Variants in MYO5A observed in about 807,000 individuals in gnomAD.
MYO5A encodes unconventional myosin-Va.
A neutral mutation model predicts 249.7 loss-of-function variants in MYO5A; 98 were observed. That is an observed-to-expected ratio of 0.39 (90% CI 0.33 to 0.46). The LOEUF is 0.46. MYO5A is among the 20% of genes least tolerant of loss of function. The pLI, the probability that MYO5A is intolerant of heterozygous loss-of-function variation, is 0.98. For synonymous variants in MYO5A, 778 were observed against 810.6 expected (o/e 0.96, Z 0.68); for missense variants, 1,696 against 2,308.8 (o/e 0.73, Z 5.44).
Position 52,364,535 on chromosome 15 carries a change from A to G in MYO5A, c.3309+19T>C, listed in dbSNP as rs2040714644. ...TTTAAAATTTTTCATTAAAAAAAAA[A>G]CAAAAGTGTTTGACTCACCACCATA... is the stretch of plus-strand genomic sequence containing the variant. On this transcript the variant is annotated intron_variant, in intron 24 of 41. Transcript: ENST00000399233. The G allele has an allele frequency of 1.3e-6, 2 of 1,596,480 alleles. No individual in the cohort carries two copies. Among genetic ancestry groups the G allele is most frequent in the Non-Finnish European group, 1.7e-6 (2 of 1,175,796 alleles).
intron 1 of MYO5A, chr15:52,505,967 A>C (rs1229104061): frequency 9.8e-7 from 1 of 1,024,170 alleles, no homozygotes; most frequent in African/African-American, 1.6e-5. Flanking sequence ...TAATCCCATC[A>C]CTTTGGGAGG....
At chr15:52,341,920 G>A (rs995655550) in intron 31 of MYO5A, among the ~76,000 whole-genome samples, 6 of 152,122 alleles carry the variant, frequency 3.9e-5, no homozygotes, top group African/African-American at 7.2e-5. Flanking sequence ...CATATTTAAC[G>A]GGTTGAATTT....
At chr15:52,403,513 A>T (rs1008142196) in intron 9 of MYO5A, among the ~76,000 whole-genome samples, 4 of 152,240 alleles carry the variant, frequency 2.6e-5, no homozygotes, top group Non-Finnish European at 4.4e-5. Flanking sequence ...CTATAGAGGC[A>T]GAAAACAGAT....
chr15:52,454,952 T>C (rs2076089874), intron 1 of MYO5A, among the ~76,000 whole-genome samples: 2 of 150,758 alleles, frequency 1.3e-5, no homozygotes, highest in Non-Finnish European at 3.0e-5. Flanking sequence ...CCAAAATTGG[T>C]AGAGGAAAAG....
intron 1 of MYO5A, among the ~76,000 whole-genome samples, chr15:52,464,862 T>C (rs1229312435): frequency 2.0e-5 from 3 of 152,244 alleles, no homozygotes; most frequent in African/African-American, 7.2e-5. Flanking sequence ...CTCCTGCTTA[T>C]GATTAGTCGT....
At chr15:52,356,834 AT>A (rs2141036579) in intron 25 of MYO5A, among the ~76,000 whole-genome samples, 1 of 113,730 alleles carries the variant, frequency 8.8e-6, no homozygotes, top group South Asian at 2.7e-4. Flanking sequence ...CAGGAATTGT[AT>A]ATTAATTAGC....
chr15:52,399,847 T>TCCC (rs2042668905), intron 9 of MYO5A, among the ~76,000 whole-genome samples: 1 of 152,160 alleles, frequency 6.6e-6, no homozygotes, highest in South Asian at 2.1e-4. Flanking sequence ...TGTCTATTGT[T>TCCC]CCCATTTATG....
intron 2 of MYO5A, among the ~76,000 whole-genome samples, chr15:52,432,770 C>T (rs950737410): frequency 6.6e-6 from 1 of 152,138 alleles, no homozygotes; most frequent in African/African-American, 2.4e-5. Context: ...GCCTTCCTCC[C>T]AACTAGTATC....
At position 52,454,175 on chromosome 15, in the gene MYO5A, TTGCA is replaced by T. The variant is rs375199320; in HGVS notation, c.28-20894_28-20891del. On this transcript the variant is annotated intron_variant, in intron 1 of 41. Transcript: ENST00000399233. ...GAAAGTGAAGGGATGGAAAGAGATA[TTGCA>T]TGCATGTGGAAACCAAAAAAGAGTA... Among the ~76,000 whole-genome samples, 234 of 152,158 alleles carry T rather than the reference TTGCA, an allele frequency of 1.5e-3. 2 individuals carry two copies. In the Middle Eastern group the frequency reaches 0.017, roughly 11 times the overall value.
At chr15:52,487,277 A>C (rs1413321099) in intron 1 of MYO5A, among the ~76,000 whole-genome samples, 1 of 152,018 alleles carries the variant, frequency 6.6e-6, no homozygotes, top group Admixed American at 6.6e-5. Context: ...TTAGCTGCAC[A>C]TGATGACACA....
chr15:52,405,376 G>C lies in MYO5A; in HGVS notation c.964C>G (p.Gln322Glu). 6.2e-7 allele frequency: 1 copy of C among 1,611,474 alleles called. No homozygotes were observed. Among genetic ancestry groups the C allele is most frequent in the Non-Finnish European group, 8.5e-7 (1 of 1,177,712 alleles). The change falls in exon 9 of 42, where the codon CAA becomes GAA. Residue 322 changes from glutamine (Q) to glutamate (E), a missense_variant. Physicochemically the swap from Gln to Glu is conservative, Grantham distance 29 (BLOSUM62 2). Around this residue, in one of 5 missense-constraint regions of MYO5A, gnomAD observed 185 missense variants for 204.8 expected, o/e 0.90. Transcript: ENST00000399233. ...GCAAGTATTCGGAAAATTCCCATTTGATGAGATTCACTAATTCCTGAAACA... is the reference window on the plus strand; with the variant it reads ...GCAAGTATTCGGAAAATTCCCATTTCATGAGATTCACTAATTCCTGAAACA... ...CTLLGISESH[Q>E]MGIFRILAGI...
Position 52,310,173 on chromosome 15 carries a change from T to C in MYO5A, c.*3523A>G, listed in dbSNP as rs1167800076. On this transcript the variant is annotated 3_prime_UTR_variant, in exon 42 of 42. Transcript: ENST00000399233. ...AATTCCCTATCAGTTGGCTTCGGAA[T>C]ATGTTTTTGTGCTTCTGCACCTGAC... 6.6e-6 allele frequency: 1 copy of C among 152,214 alleles called. No homozygotes were observed. The highest frequency in any genetic ancestry group is 1.5e-5 in the Non-Finnish European group (1 of 68,030). 9.4% of individuals were successfully genotyped at this position (152,214 alleles called of 1,614,324 possible). A position where few individuals can be genotyped will look rare whatever the true frequency, so the allele number is the denominator to read the frequency against.
Position 52,408,065 on chromosome 15 carries a change from G to C in MYO5A, c.832C>G (p.Arg278Gly). Residue 278 changes from arginine (R) to glycine (G), a missense_variant, in exon 7 of 42, where the codon CGA becomes GGA. This residue lies in a region of MYO5A where 185 missense variants were observed against 204.8 expected (regional missense o/e 0.90). Coordinates refer to ENST00000399233, the MANE Select transcript of MYO5A (RefSeq NM_001382347.1). The part of the protein sequence containing the change: ...SAKLPEFKML[R>G]LGNADNFNYT... ...TTTAATGCCATATTCATACCTAATC[G>C]TAGCATTTTAAATTCAGGTAACTTT... The C allele has an allele frequency of 6.3e-7, 1 of 1,575,784 alleles. No homozygotes were observed. Among genetic ancestry groups the C allele is most frequent in the Non-Finnish European group, 8.7e-7 (1 of 1,146,060 alleles).
At chr15:52,470,147 T>G (rs2076430006) in intron 1 of MYO5A, among the ~76,000 whole-genome samples, 2 of 152,210 alleles carry the variant, frequency 1.3e-5, no homozygotes, top group Admixed American at 1.3e-4. Flanking sequence ...TGACGTTCCC[T>G]CTGTTGGGGG....
At chr15:52,431,231 C>CGAAAAAAAAAAAAAAAA (rs2075526662) in intron 2 of MYO5A, among the ~76,000 whole-genome samples, 1 of 45,850 alleles carries the variant, frequency 2.2e-5, no homozygotes, top group Non-Finnish European at 3.7e-5. Flanking sequence ...AATTCCGTCT[C>CGAAAAAAAAAAAAAAAA]AAAAAAAAAA....
chr15:52,505,186 G>A (rs2077243047), intron 1 of MYO5A: 1 of 763,256 alleles, frequency 1.3e-6, no homozygotes. Context: ...TACAGCCAAA[G>A]CCATGGGTTT....
At chr15:52,506,777 G>A (rs2077281005) in intron 1 of MYO5A, among the ~76,000 whole-genome samples, 1 of 152,158 alleles carries the variant, frequency 6.6e-6, no homozygotes, top group Admixed American at 6.5e-5. Flanking sequence ...GGAGGTGGCA[G>A]TGAGCCGAGA....
intron 5 of MYO5A, among the ~76,000 whole-genome samples, chr15:52,412,521 T>C (rs565743310): frequency 6.6e-6 from 1 of 152,232 alleles, no homozygotes. Flanking sequence ...TATCCTCAAA[T>C]GTAAATTGAC....
intron 25 of MYO5A, among the ~76,000 whole-genome samples, chr15:52,356,615 G>A (rs952884193): frequency 1.3e-5 from 2 of 150,858 alleles, no homozygotes; most frequent in Non-Finnish European, 2.9e-5. Flanking sequence ...AAACACCCCA[G>A]TATATAAATA....
Sources: allele counts gnomAD v4.1 joint callset (sites outside exome capture counted in the v4.1 genomes callset), GRCh38; gene constraint gnomAD v4.1.1; regional missense constraint gnomAD v4.1.1; transcripts MANE v1.5; gene names NCBI Gene and HGNC (gene_info 2026-07-23, HGNC 2026-07-21).